CUX1: variants seen among roughly 807,000 people sequenced by gnomAD.
The protein encoded by CUX1 is cut like homeobox 1.
A neutral mutation model predicts 158.8 loss-of-function variants in CUX1; 31 were observed. The ratio of observed to expected loss-of-function variants is 0.20; its 90% CI spans 0.15 to 0.26. CUX1 has a LOEUF of 0.26. Among genes scored for constraint, CUX1 ranks in the 10% least tolerant of loss-of-function variants. CUX1 has a pLI of 1.00. For missense variants in CUX1, 1,589 were observed against 2,014.6 expected (o/e 0.79, Z 4.04); for synonymous variants, 879 against 862.1 (o/e 1.02, Z -0.34).
At chr7:102,174,515 C>T (rs411030) in intron 10 of CUX1, among the ~76,000 whole-genome samples, 10,180 of 152,204 alleles carry the variant, frequency 0.067, 395 homozygotes, top group African/African-American at 0.085. Flanking sequence ...ACTGACAGGC[C>T]GCTGCTTCTC....
chr7:101,825,872 G>A (rs1793235249), intron 1 of CUX1, among the ~76,000 whole-genome samples: 1 of 151,824 alleles, frequency 6.6e-6, no homozygotes, highest in Non-Finnish European at 1.5e-5. Flanking sequence ...CACACGAGCT[G>A]AGTGCGTCGT....
At chr7:102,159,390 G>A (rs1266739183) in intron 9 of CUX1, among the ~76,000 whole-genome samples, 1 of 152,244 alleles carries the variant, frequency 6.6e-6, no homozygotes, top group Non-Finnish European at 1.5e-5. Context: ...ACCCAGCACA[G>A]TGTCCGGCCC....
At chr7:102,052,319 C>T (rs545896566) in intron 3 of CUX1, among the ~76,000 whole-genome samples, 1 of 152,158 alleles carries the variant, frequency 6.6e-6, no homozygotes, top group Non-Finnish European at 1.5e-5. Context: ...TAGATTTGGC[C>T]ATTCCCCCCA....
At chr7:102,087,180 GT>G (rs1554480773) in intron 4 of CUX1, among the ~76,000 whole-genome samples, 2 of 151,742 alleles carry the variant, frequency 1.3e-5, no homozygotes, top group Admixed American at 6.6e-5. Flanking sequence ...TGTCTTGCCT[GT>G]TTTTTCTTGT....
chr7:101,861,922 C>G (rs1797501005), intron 1 of CUX1, among the ~76,000 whole-genome samples: 1 of 152,116 alleles, frequency 6.6e-6, no homozygotes, highest in South Asian at 2.1e-4. Context: ...ACAACCTCCA[C>G]CTCCCGGGTT....
chr7:102,086,505 T>C (rs554712327), intron 4 of CUX1, among the ~76,000 whole-genome samples: 11 of 152,280 alleles, frequency 7.2e-5, no homozygotes, highest in East Asian at 5.8e-4. Context: ...TTGAATGGCA[T>C]GTTCTAGAAA....
intron 2 of CUX1, among the ~76,000 whole-genome samples, chr7:101,957,555 T>C (rs1259744863): frequency 6.6e-6 from 1 of 152,098 alleles, no homozygotes; most frequent in Non-Finnish European, 1.5e-5. Flanking sequence ...ACACCGTCTC[T>C]ACTAAAAATA....
chr7:102,189,810 C>T lies in CUX1; in HGVS notation c.1018-3C>T. ...CACTGATCAAATTCTTCTCTGTTTT[C>T]AGCAACTGGAAGAAAAACTCAAAGG... On this transcript the variant is annotated splice_region_variant and splice_polypyrimidine_tract_variant and intron_variant, in intron 11 of 23. Coordinates refer to ENST00000292535, the MANE Select transcript of CUX1 (RefSeq NM_181552.4). 2 of 1,614,234 alleles carry T rather than the reference C, an allele frequency of 1.2e-6. No homozygotes were observed. The highest frequency in any genetic ancestry group is 1.1e-5 in the South Asian group (1 of 91,082).
downstream of CUX1, among the ~76,000 whole-genome samples, chr7:102,263,011 CTT>C (rs58568731): frequency 0.59 from 75,320 of 126,966 alleles, 22,061 homozygotes; most frequent in East Asian, 0.78. Context: ...AAGGGTTAAA[CTT>C]TTTTTTTTTT....
intron 20 of CUX1, among the ~76,000 whole-genome samples, chr7:102,224,134 G>C (rs1425283594): frequency 6.6e-6 from 1 of 152,240 alleles, no homozygotes; most frequent in African/African-American, 2.4e-5. Context: ...AACTGTGCAT[G>C]CAGATGTCTG....
At chr7:102,241,140 T>G (rs1347683178) in intron 23 of CUX1, among the ~76,000 whole-genome samples, 1 of 152,110 alleles carries the variant, frequency 6.6e-6, no homozygotes, top group African/African-American at 2.4e-5. Context: ...ATTCTACAGA[T>G]GAAAAATATA....
intron 9 of CUX1, among the ~76,000 whole-genome samples, chr7:102,165,104 C>T (rs540255921): frequency 1.3e-5 from 2 of 152,186 alleles, no homozygotes; most frequent in African/African-American, 4.8e-5. Context: ...CCACAGCCAC[C>T]TCTCCACAGG....
intron 1 of CUX1, among the ~76,000 whole-genome samples, chr7:101,831,421 G>C (rs1793994913): frequency 6.6e-6 from 1 of 152,060 alleles, no homozygotes; most frequent in East Asian, 1.9e-4. Flanking sequence ...CTCCTGAATG[G>C]TTGGGATTAC....
At chr7:102,270,728 C>T (rs1390512671) in intron 14 of CUX1, among the ~76,000 whole-genome samples, 2 of 152,348 alleles carry the variant, frequency 1.3e-5, no homozygotes, top group South Asian at 2.1e-4. Context: ...TCTGCAGCAG[C>T]GCCAATGGCC....
chr7:102,263,711 G>A (rs1790586618), intron 14 of CUX1, among the ~76,000 whole-genome samples: 1 of 149,670 alleles, frequency 6.7e-6, no homozygotes, highest in South Asian at 2.1e-4. Context: ...CTTTTTTTTT[G>A]AGACAGGGTC....
At chr7:101,975,029 A>G (rs1005360760) in intron 2 of CUX1, among the ~76,000 whole-genome samples, 4 of 151,922 alleles carry the variant, frequency 2.6e-5, no homozygotes, top group East Asian at 1.9e-4. Context: ...GGGTGGATCA[A>G]CTGAGGTCAG....
chr7:102,232,158 T>C (rs1446657175), intron 21 of CUX1, among the ~76,000 whole-genome samples: 1 of 152,038 alleles, frequency 6.6e-6, no homozygotes, highest in African/African-American at 2.4e-5. Flanking sequence ...GTTTTGTTTT[T>C]TCTTTTTCTT....
At position 102,240,510 on chromosome 7, in the gene CUX1, A is replaced by T. The variant is rs141503836; in HGVS notation, c.3887+926A>T. 1.0e-3 allele frequency among the ~76,000 whole-genome samples: 155 copies of T among 151,614 alleles called. 2 individuals carry two copies. Among genetic ancestry groups the T allele is most frequent in the African/African-American group, 3.6e-3 (150 of 41,328 alleles). On this transcript the variant is annotated intron_variant, in intron 23 of 23. Transcript: ENST00000292535. Reference sequence around the variant, plus strand: ...TGGCCTCAAGCAGTCCTACCACCTCAACCTCCCAAAGCCTTGTGATTATAG... The same window carrying T: ...TGGCCTCAAGCAGTCCTACCACCTCTACCTCCCAAAGCCTTGTGATTATAG...
intron 1 of CUX1, among the ~76,000 whole-genome samples, chr7:101,892,696 T>C (rs1027848640): frequency 1.3e-5 from 2 of 152,206 alleles, no homozygotes; most frequent in Non-Finnish European, 2.9e-5. Context: ...TTTGCCAAAA[T>C]ACTTTTTTTC....
Sources: allele counts gnomAD v4.1 joint callset (sites outside exome capture counted in the v4.1 genomes callset), GRCh38; gene constraint gnomAD v4.1.1; transcripts MANE v1.5; gene names NCBI Gene and HGNC (gene_info 2026-07-23, HGNC 2026-07-21).